GAS7: variants seen among roughly 807,000 people sequenced by gnomAD.
The protein encoded by GAS7 is growth arrest-specific protein 7.
In GAS7, 28 loss-of-function variants were observed where a neutral mutation model predicts 71.1. The observed-to-expected ratio is 0.39, with a 90% confidence interval of 0.29 to 0.54. GAS7 has a LOEUF of 0.54. Among genes scored for constraint, GAS7 ranks in the 20% least tolerant of loss-of-function variants. GAS7 has a pLI of 0.62. For synonymous variants in GAS7, 258 were observed against 245.8 expected (o/e 1.05, Z -0.46); for missense variants, 436 against 627.8 (o/e 0.69, Z 3.27).
At chr17:10,039,756 C>A (rs117369434) in intron 1 of GAS7, 1 of 456,272 alleles carries the variant, frequency 2.2e-6, no homozygotes, top group Non-Finnish European at 4.4e-6. Flanking sequence ...GCTCGTCTTG[C>A]GTTCAATCTT....
At chr17:10,138,714 C>A (rs2074059006) in intron 1 of GAS7, among the ~76,000 whole-genome samples, 2 of 152,168 alleles carry the variant, frequency 1.3e-5, no homozygotes, top group South Asian at 4.2e-4. Flanking sequence ...TTGCAGTAAG[C>A]CGAGATCGTG....
At chr17:10,113,986 C>T (rs2073837695) in intron 1 of GAS7, among the ~76,000 whole-genome samples, 1 of 152,134 alleles carries the variant, frequency 6.6e-6, no homozygotes, top group Non-Finnish European at 1.5e-5. Flanking sequence ...GTGATCACAG[C>T]TCACTGCAGC....
intron 9 of GAS7, among the ~76,000 whole-genome samples, chr17:9,929,497 C>T (rs1022012240): frequency 6.6e-5 from 10 of 152,040 alleles, no homozygotes; most frequent in South Asian, 2.1e-4. Flanking sequence ...TTTTTTGAGA[C>T]GGAGTCTCAC....
chr17:10,008,859 T>G (rs2071641956), intron 2 of GAS7, among the ~76,000 whole-genome samples: 1 of 152,150 alleles, frequency 6.6e-6, no homozygotes, highest in African/African-American at 2.4e-5. Flanking sequence ...GCACATCTTT[T>G]TAGTCTCACA....
chr17:10,131,027 G>A (rs571400919), intron 1 of GAS7, among the ~76,000 whole-genome samples: 68 of 152,240 alleles, frequency 4.5e-4, no homozygotes, highest in Non-Finnish European at 7.2e-4. Context: ...CCATAAAGCC[G>A]TTATCAAAAC....
chr17:10,023,713 T>C (rs766068468), intron 1 of GAS7, among the ~76,000 whole-genome samples: 94 of 152,182 alleles, frequency 6.2e-4, no homozygotes, highest in Admixed American at 1.6e-3. Flanking sequence ...CGTTTTCCCT[T>C]TGGGGTAATG....
intron 5 of GAS7, among the ~76,000 whole-genome samples, chr17:9,951,531 TG>T (rs1222697134): frequency 1.3e-5 from 2 of 151,694 alleles, no homozygotes; most frequent in Non-Finnish European, 2.9e-5. Context: ...CCGAGATGGG[TG>T]GATCACCTGA....
intron 2 of GAS7, among the ~76,000 whole-genome samples, chr17:10,000,931 GC>G (rs2071245373): frequency 6.6e-6 from 1 of 152,124 alleles, no homozygotes; most frequent in East Asian, 1.9e-4. Context: ...TCATCTCCTT[GC>G]CTTCCAGCCT....
In GAS7 at chr17:9,917,210, G is replaced by A. The variant is rs368293164; in HGVS notation, c.*18C>T. On this transcript the variant is annotated 3_prime_UTR_variant, in exon 14 of 14. Transcript: ENST00000432992. The stretch of plus-strand genomic sequence containing the variant: ...GCCCCCCTCCCCAGCAGGACCCCCC[G>A]AAGCTGCACAGGCCCATCTAGATCT... The A allele has an allele frequency of 6.2e-6, 8 of 1,291,878 alleles. No individual in the cohort carries two copies. In the African/African-American group the frequency reaches 7.3e-5, roughly 12 times the overall value. The allele number at this position is 1,291,878 out of a possible 1,614,324, so 80.0% of individuals were successfully genotyped here.
chr17:10,109,702 T>A (rs1015353744), intron 1 of GAS7, among the ~76,000 whole-genome samples: 1 of 152,178 alleles, frequency 6.6e-6, no homozygotes, highest in Non-Finnish European at 1.5e-5. Context: ...GTGGATCACC[T>A]GAGATCAGGA....
rs1192737832 is a variant in GAS7 at position 10,053,964 on chromosome 17, T to A, written c.184-34067A>T. Among the ~76,000 whole-genome samples the A allele has an allele frequency of 2.6e-5, 4 of 152,120 alleles. No individual in the cohort carries two copies. In the East Asian group the frequency reaches 7.7e-4, roughly 29 times the overall value. ...CCCTCCAAGCTTCTGGATCCGTAGG[T>A]TTGGGTACCATCCAACTATCTGAAT... On this transcript the variant is annotated intron_variant, in intron 1 of 13. Transcript: ENST00000432992.
intron 1 of GAS7, among the ~76,000 whole-genome samples, chr17:10,182,318 C>T (rs2074422773): frequency 1.3e-5 from 2 of 152,100 alleles, no homozygotes. Context: ...CACCACCACG[C>T]TCGGCTAATT....
intron 1 of GAS7, among the ~76,000 whole-genome samples, chr17:10,137,595 A>G (rs2074048894): frequency 6.6e-6 from 1 of 151,888 alleles, no homozygotes; most frequent in Non-Finnish European, 1.5e-5. Context: ...GCTGGAGTAC[A>G]ATGGCAGGAT....
chr17:9,956,989 T>C (rs1443925531), intron 5 of GAS7, among the ~76,000 whole-genome samples: 3 of 152,196 alleles, frequency 2.0e-5, no homozygotes, highest in Non-Finnish European at 4.4e-5. Flanking sequence ...CCTGGAGACC[T>C]GTGGGCCAAG....
intron 1 of GAS7, among the ~76,000 whole-genome samples, chr17:10,027,256 A>ATGAG (rs772507249): frequency 6.6e-6 from 1 of 151,712 alleles, no homozygotes; most frequent in Non-Finnish European, 1.5e-5. Context: ...GAATGAATGA[A>ATGAG]TGAGTGAATG....
intron 1 of GAS7, among the ~76,000 whole-genome samples, chr17:10,161,751 T>G (rs1325727132): frequency 6.6e-6 from 1 of 152,144 alleles, no homozygotes; most frequent in Non-Finnish European, 1.5e-5. Flanking sequence ...AAATGTCCAG[T>G]TGCCAATCTG....
At chr17:10,129,795 C>A (rs2073981864) in intron 1 of GAS7, among the ~76,000 whole-genome samples, 3 of 152,134 alleles carry the variant, frequency 2.0e-5, no homozygotes, top group Admixed American at 1.3e-4. Flanking sequence ...ATATAAAGAA[C>A]ACTTACAGCC....
At chr17:10,028,905 G>A (rs1435779445) in intron 1 of GAS7, among the ~76,000 whole-genome samples, 3 of 152,218 alleles carry the variant, frequency 2.0e-5, no homozygotes, top group African/African-American at 7.2e-5. Context: ...GGACAGAACA[G>A]CAAACCAAGA....
chr17:10,018,702 C>T (rs924074515), intron 2 of GAS7, among the ~76,000 whole-genome samples: 3 of 152,182 alleles, frequency 2.0e-5, no homozygotes, highest in Admixed American at 6.5e-5. Context: ...CTCTGCTAAA[C>T]AGTAGCTGGC....
Sources: gnomAD v4.1 joint callset for allele counts (sites outside exome capture counted in the v4.1 genomes callset) on GRCh38, gnomAD v4.1.1 for gene constraint, MANE v1.5 for transcripts, NCBI Gene and HGNC (gene_info 2026-07-23, HGNC 2026-07-21) for gene names.